The following CCDC194 variants were observed in gnomAD, a reference collection of about 807,000 sequenced individuals.
CCDC194 encodes coiled-coil domain containing 194.
In CCDC194, 8 loss-of-function variants were observed where a neutral mutation model predicts 4.9. The observed-to-expected ratio is 1.65, with a 90% CI of 0.97 to 2.97. The LOEUF (loss-of-function observed/expected upper bound fraction) is 2.97. Among genes scored for constraint, CCDC194 ranks in the 30% most tolerant of loss-of-function variants. CCDC194 has a pLI of 0.00. For missense variants in CCDC194, 52 were observed against 43.1 expected (o/e 1.21, Z -0.58); for synonymous variants, 13 against 17.0 (o/e 0.76, Z 0.58).
downstream of CCDC194, among the ~76,000 whole-genome samples, chr19:17,387,650 G>A (rs904661332): frequency 6.6e-6 from 1 of 151,958 alleles, no homozygotes; most frequent in African/African-American, 2.4e-5. Flanking sequence ...CCCGAGAGGC[G>A]GAGGTTGCAG....
In CCDC194 at chr19:17,390,743, T is replaced by C; in HGVS notation, c.555-84A>G. On this transcript the variant is annotated intron_variant, in intron 3 of 3. Transcript: ENST00000636079. This position sits in a 1 kb window ranked among gnomAD's most constrained non-coding sequence, Gnocchi z 5.5. ...AGCCCTCATCCGCCAGAGCGTCCCT[T>C]TGCTGGGAACTCCATCCCCAGAGAT... 2.5e-6 allele frequency: 1 copy of C among 392,638 alleles called. No homozygotes were observed. Among genetic ancestry groups the C allele is most frequent in the South Asian group, 1.3e-4 (1 of 7,806 alleles). 24.3% of individuals were successfully genotyped at this position (392,638 alleles called of 1,614,324 possible).
At chr19:17,392,187 A>C (rs2145737617) in intron 1 of CCDC194, 1 of 193,594 alleles carries the variant, frequency 5.2e-6, no homozygotes, top group Admixed American at 5.9e-5. Flanking sequence ...AAACCAACAA[A>C]GTTAGCCGGG....
downstream of CCDC194, among the ~76,000 whole-genome samples, chr19:17,389,793 C>T (rs1396188767): frequency 2.0e-5 from 3 of 152,098 alleles, no homozygotes; most frequent in Non-Finnish European, 2.9e-5. Flanking sequence ...GGTGTAACCC[C>T]GTCTCTACTA....
At chr19:17,387,319 C>T (rs910236638), downstream of CCDC194, among the ~76,000 whole-genome samples, 3 of 152,140 alleles carry the variant, frequency 2.0e-5, no homozygotes, top group African/African-American at 7.2e-5. Context: ...CCCACCGATT[C>T]CCAGACCCCT....
In CCDC194 at chr19:17,390,650, C is replaced by T; in HGVS notation, c.564G>A (p.Leu188=). The T allele has an allele frequency of 2.5e-6, 1 of 397,996 alleles. No homozygotes were observed. The highest frequency in any genetic ancestry group is 1.3e-4 in the South Asian group (1 of 7,850). 24.7% of individuals were successfully genotyped at this position (397,996 alleles called of 1,614,324 possible). A position where few individuals can be genotyped will look rare whatever the true frequency, so the allele number is the denominator to read the frequency against. The change falls in exon 4 of 4, where the codon CTG becomes CTA. Residue 188 remains leucine, a synonymous_variant. Transcript: ENST00000636079. This position sits in a 1 kb window ranked among gnomAD's most constrained non-coding sequence, Gnocchi z 5.5. ...TGCGCTGTGGGCTCATCTCGGCTTC[C>T]AGGACGTTACTGCCGGGAAGGGGGA...
At chr19:17,388,243 AG>A (rs2145735372), downstream of CCDC194, among the ~76,000 whole-genome samples, 1 of 131,554 alleles carries the variant, frequency 7.6e-6, no homozygotes, top group South Asian at 2.5e-4. Context: ...TCAGTCACCT[AG>A]GCTGGAGTGC....
intron 2 of CCDC194, 114 bp downstream of exon 2, chr19:17,391,636 G>C: frequency 6.5e-7 from 1 of 1,531,046 alleles, no homozygotes. Flanking sequence ...AAGTTTTTGC[G>C]TTTATATCCG....
At chr19:17,389,658 T>C (rs1371068684), downstream of CCDC194, among the ~76,000 whole-genome samples, 2 of 152,160 alleles carry the variant, frequency 1.3e-5, no homozygotes, top group East Asian at 3.8e-4. Context: ...TAAGTCACCT[T>C]TGTTGCAGTG....
chr19:17,387,752 A>T (rs994013599), downstream of CCDC194, among the ~76,000 whole-genome samples: 2 of 152,140 alleles, frequency 1.3e-5, no homozygotes, highest in Non-Finnish European at 2.9e-5. Flanking sequence ...GAAAGAAAGT[A>T]CACAACTTAT....
At chr19:17,387,955 C>T (rs567425565), downstream of CCDC194, among the ~76,000 whole-genome samples, 22 of 149,694 alleles carry the variant, frequency 1.5e-4, no homozygotes, top group African/African-American at 5.4e-4. Flanking sequence ...GGTGCGATCT[C>T]AGATCACTGC....
intron 3 of CCDC194, 117 bp downstream of exon 3, chr19:17,391,094 C>A (rs990907646): frequency 1.4e-4 from 54 of 379,068 alleles, no homozygotes; most frequent in East Asian, 1.4e-3. Context: ...ATGCCCCCCC[C>A]CCACCACAAT....
chr19:17,393,331 T>C (rs991787440), intron 1 of CCDC194, among the ~76,000 whole-genome samples: 1 of 151,358 alleles, frequency 6.6e-6, no homozygotes, highest in African/African-American at 2.4e-5. Context: ...GGTCTGGCGT[T>C]TCTCCAGACA....
rs2074655725 is a variant in CCDC194, at chr19:17,391,799, T to G, written c.372A>C (p.Glu124Asp). ...CCATCTGGGTCCCCTGTGCCTTGGCTTCGTCCATCTCAATCTTCAGTGTCG... is the reference window on the plus strand; with the variant it reads ...CCATCTGGGTCCCCTGTGCCTTGGCGTCGTCCATCTCAATCTTCAGTGTCG... The change falls in exon 2 of 4, where the codon GAA (glutamate) becomes GAC (aspartate). Residue 124 changes from glutamate to aspartate, a missense_variant. Transcript: ENST00000636079. The G allele has an allele frequency of 2.0e-6, 3 of 1,535,492 alleles. No homozygotes were observed. In the South Asian group the frequency reaches 3.6e-5, roughly 18 times the overall value.
Position 17,390,591 on chromosome 19 carries a change from C to G in CCDC194, c.623G>C (p.Arg208Pro). 5.0e-6 allele frequency: 2 copies of G among 397,732 alleles called. No individual in the cohort carries two copies. The highest frequency in any genetic ancestry group is 8.9e-6 in the Non-Finnish European group (2 of 225,486). The allele number at this position is 397,732 out of a possible 1,614,324, so 24.6% of individuals were successfully genotyped here. A position where few individuals can be genotyped will look rare whatever the true frequency, so the allele number is the denominator to read the frequency against. Reference sequence around the variant, plus strand: ...GCGCGAGCGAGGGCTGGGCCGGGGTCGGGACCCCGAGCGGGGACGCGGCCG... The same window carrying G: ...GCGCGAGCGAGGGCTGGGCCGGGGTGGGGACCCCGAGCGGGGACGCGGCCG... The change falls in exon 4 of 4, where the codon CGA (arginine) becomes CCA (proline). Residue 208 changes from arginine to proline, a missense_variant. Coordinates refer to ENST00000636079, the Ensembl canonical transcript of CCDC194. This position sits in a 1 kb window ranked among gnomAD's most constrained non-coding sequence, Gnocchi z 5.5.
intron 1 of CCDC194, among the ~76,000 whole-genome samples, chr19:17,392,838 C>T (rs932648982): frequency 6.6e-6 from 1 of 152,204 alleles, no homozygotes; most frequent in Admixed American, 6.6e-5. Context: ...TGCGCCATCA[C>T]ACCTGGCTAA....
rs1044378090 is a variant in CCDC194 at position 17,390,783 on chromosome 19, G to A, written c.555-124C>T. The A allele has an allele frequency of 2.5e-6, 1 of 393,456 alleles. No individual in the cohort carries two copies. The highest frequency in any genetic ancestry group is 4.5e-6 in the Non-Finnish European group (1 of 222,860). 24.4% of individuals were successfully genotyped at this position (393,456 alleles called of 1,614,324 possible). A position where few individuals can be genotyped will look rare whatever the true frequency, so the allele number is the denominator to read the frequency against. On this transcript the variant is annotated intron_variant, in intron 3 of 3. Coordinates refer to ENST00000636079, the Ensembl canonical transcript of CCDC194. This position sits in a 1 kb window ranked among gnomAD's most constrained non-coding sequence, Gnocchi z 5.5. ...TCCCCAGAGATCCCCATCTCCCAGG[G>A]TTTCCCGCTCCCCAGGATCCGGCAT...
At chr19:17,391,955 A>G in intron 1 of CCDC194, 109 bp from the exon 2 acceptor site, 1 of 1,054,884 alleles carries the variant, frequency 9.5e-7, no homozygotes, top group Non-Finnish European at 1.3e-6. Context: ...CTGTGTCCTG[A>G]GCTTTGTGTG....
chr19:17,387,755 CA>C (rs1367765500), downstream of CCDC194, among the ~76,000 whole-genome samples: 1 of 152,138 alleles, frequency 6.6e-6, no homozygotes, highest in African/African-American at 2.4e-5. Context: ...AGAAAGTACA[CA>C]ACTTATCAAT....
downstream of CCDC194, among the ~76,000 whole-genome samples, chr19:17,387,502 G>T (rs1478592689): frequency 1.3e-5 from 2 of 152,138 alleles, no homozygotes; most frequent in Non-Finnish European, 2.9e-5. Context: ...TGGATCACCC[G>T]AGGTTAGCAA....
Sources: gnomAD v4.1 joint callset for allele counts (sites outside exome capture counted in the v4.1 genomes callset) on GRCh38, gnomAD v4.1.1 for gene constraint, Gnocchi (gnomAD v3.1) non-coding constraint, MANE v1.5 for transcripts, NCBI Gene and HGNC (gene_info 2026-07-23, HGNC 2026-07-21) for gene names.